The following GRM7 variants were observed in gnomAD, a reference collection of about 807,000 sequenced individuals.
GRM7 encodes glutamate metabotropic receptor 7, also known as metabotropic glutamate receptor 7.
GRM7 carries 35 observed loss-of-function variants against 84.5 expected under a neutral mutation model. That is an observed-to-expected ratio of 0.41 (90% CI 0.32 to 0.55). GRM7 has a LOEUF of 0.55. Among genes scored for constraint, GRM7 ranks in the 20% least tolerant of loss-of-function variants. The pLI is 0.19. For synonymous variants in GRM7, 487 were observed against 455.1 expected, an observed-to-expected ratio of 1.07 and a Z score of -0.89; for missense variants, 1,003 against 1,194.6, an observed-to-expected ratio of 0.84 and a Z score of 2.36.
At chr3:7,454,164 A>G (rs1252032105) in intron 6 of GRM7, among the ~76,000 whole-genome samples, 1 of 151,432 alleles carries the variant, frequency 6.6e-6, no homozygotes, top group Non-Finnish European at 1.5e-5. Flanking sequence ...GTTAATTGGG[A>G]TAATATTTGT....
At chr3:7,007,200 G>A (rs1355339922) in intron 1 of GRM7, among the ~76,000 whole-genome samples, 1 of 152,168 alleles carries the variant, frequency 6.6e-6, no homozygotes, top group African/African-American at 2.4e-5. Context: ...TTTAACAACT[G>A]CTGTAGGTCC....
chr3:6,985,666 A>G (rs1392215712), intron 1 of GRM7, among the ~76,000 whole-genome samples: 2 of 152,128 alleles, frequency 1.3e-5, no homozygotes, highest in South Asian at 2.1e-4. Flanking sequence ...ATATTTTCCA[A>G]CTAAGCTCCA....
intron 2 of GRM7, among the ~76,000 whole-genome samples, chr3:7,267,401 G>A (rs1336096729): frequency 6.6e-6 from 1 of 152,148 alleles, no homozygotes; most frequent in Non-Finnish European, 1.5e-5. Context: ...TTGTTTTATT[G>A]GAATGAATTA....
At chr3:7,505,630 G>A (rs1014060744) in intron 7 of GRM7, among the ~76,000 whole-genome samples, 4 of 152,188 alleles carry the variant, frequency 2.6e-5, no homozygotes, top group African/African-American at 9.7e-5. Flanking sequence ...CACTGCCAAG[G>A]CATGTGACTT....
Position 7,644,034 on chromosome 3 carries a change from A to C in GRM7, c.2452-36015A>C, listed in dbSNP as rs111729973. 8.1e-5 allele frequency among the ~76,000 whole-genome samples: 12 copies of C among 147,596 alleles called. 1 individual carries two copies. Among genetic ancestry groups the C allele is most frequent in the South Asian group, 4.3e-4 (2 of 4,670 alleles). On this transcript the variant is annotated intron_variant, in intron 8 of 9. Transcript: ENST00000357716. ...TATATATATATACACACACACACAC[A>C]CCATATATAAAATATGTATATATTT...
In GRM7 at chr3:7,382,542, A is replaced by G. The variant is rs150766733; in HGVS notation, c.1034-32481A>G. Among the ~76,000 whole-genome samples the G allele has an allele frequency of 3.4e-3, 523 of 152,330 alleles. 5 individuals are homozygous for G. Among genetic ancestry groups the G allele is most frequent in the South Asian group, 0.024 (117 of 4,828 alleles). ...TATGGGAATGTAAACTCTGCAAGGC[A>G]TAAATGTTCATGTTTTGTTCCCTCA... On this transcript the variant is annotated intron_variant, in intron 4 of 9. Coordinates refer to ENST00000357716, the MANE Select transcript of GRM7 (RefSeq NM_000844.4).
At chr3:6,941,857 A>C (rs1449042449) in intron 1 of GRM7, among the ~76,000 whole-genome samples, 2 of 152,104 alleles carry the variant, frequency 1.3e-5, no homozygotes, top group African/African-American at 4.8e-5. Flanking sequence ...TTTACTTTGG[A>C]GGCCCTGTCA....
At chr3:7,444,780 C>G (rs544758497) in intron 5 of GRM7, among the ~76,000 whole-genome samples, 22 of 152,230 alleles carry the variant, frequency 1.4e-4, no homozygotes, top group African/African-American at 5.1e-4. Context: ...AATGGAATTG[C>G]AGAAGAAAAC....
chr3:7,437,355 C>G (rs866367583), intron 5 of GRM7, among the ~76,000 whole-genome samples: 1 of 152,160 alleles, frequency 6.6e-6, no homozygotes, highest in South Asian at 2.1e-4. Context: ...CACTCTGTCA[C>G]TAAGTCCTAC....
intron 5 of GRM7, among the ~76,000 whole-genome samples, chr3:7,424,562 G>A (rs1168503427): frequency 3.9e-5 from 6 of 152,146 alleles, no homozygotes; most frequent in Admixed American, 2.6e-4. Flanking sequence ...GAGACACTTT[G>A]TGACTTCTCT....
chr3:7,686,976 A>C (rs1346668516), intron 9 of GRM7, among the ~76,000 whole-genome samples: 3 of 152,148 alleles, frequency 2.0e-5, no homozygotes, highest in African/African-American at 7.2e-5. Context: ...CTGTAATTCA[A>C]AGTTGTCTTG....
rs530641374 is a variant in GRM7 at position 7,504,097 on chromosome 3, A to G, written c.1515+42375A>G. On this transcript the variant is annotated intron_variant, in intron 7 of 9. Transcript: ENST00000357716. Reference sequence around the variant, plus strand: ...GGTAACAAGCCTCAAATGTATGAAAAAAAGTTGAGACTCAATAAAAAATTT... The same window carrying G: ...GGTAACAAGCCTCAAATGTATGAAAGAAAGTTGAGACTCAATAAAAAATTT... Among the ~76,000 whole-genome samples, 5 of 152,326 alleles carry G rather than the reference A, an allele frequency of 3.3e-5. No individual in the cohort carries two copies. The South Asian group carries it at 1.0e-3, about 32-fold the overall frequency.
chr3:7,420,643 G>C (rs1030852363), intron 5 of GRM7, among the ~76,000 whole-genome samples: 2 of 151,974 alleles, frequency 1.3e-5, no homozygotes, highest in Admixed American at 1.3e-4. Flanking sequence ...CATCTCTCTT[G>C]CTTCCATCAC....
At chr3:6,924,595 A>G (rs1448140692) in intron 1 of GRM7, among the ~76,000 whole-genome samples, 2 of 152,184 alleles carry the variant, frequency 1.3e-5, no homozygotes, top group Non-Finnish European at 2.9e-5. Flanking sequence ...AGTATCACAA[A>G]AGTGGATGTT....
chr3:7,594,243 A>G (rs982089891), intron 8 of GRM7, among the ~76,000 whole-genome samples: 3 of 152,074 alleles, frequency 2.0e-5, no homozygotes, highest in African/African-American at 7.2e-5. Context: ...GATTCAGCAA[A>G]TTTTATTCAG....
chr3:7,271,743 C>G (rs1399058765), intron 2 of GRM7, among the ~76,000 whole-genome samples: 1 of 151,940 alleles, frequency 6.6e-6, no homozygotes, highest in African/African-American at 2.4e-5. Context: ...GGATTAAAAA[C>G]AATAATAGGA....
chr3:7,378,754 C>A (rs1240702309), intron 4 of GRM7, among the ~76,000 whole-genome samples: 4 of 152,036 alleles, frequency 2.6e-5, no homozygotes, highest in Non-Finnish European at 5.9e-5. Flanking sequence ...ATTATGAAGA[C>A]CCCCATGTCT....
intron 5 of GRM7, among the ~76,000 whole-genome samples, chr3:7,417,361 C>T (rs942992342): frequency 6.6e-6 from 1 of 152,054 alleles, no homozygotes; most frequent in African/African-American, 2.4e-5. Flanking sequence ...ATATGGTGGT[C>T]ATATTTTGTT....
intron 3 of GRM7, among the ~76,000 whole-genome samples, chr3:7,304,493 T>G (rs963880367): frequency 6.6e-6 from 1 of 151,832 alleles, no homozygotes; most frequent in African/African-American, 2.4e-5. Context: ...AAAATTTGTA[T>G]TTTCAATTTT....
Sources: allele counts gnomAD v4.1 joint callset (sites outside exome capture counted in the v4.1 genomes callset), GRCh38; gene constraint gnomAD v4.1.1; transcripts MANE v1.5; gene names NCBI Gene and HGNC (gene_info 2026-07-23, HGNC 2026-07-21).